Variants in FTCDNL1 observed in about 807,000 individuals in gnomAD.
FTCDNL1 encodes formiminotransferase cyclodeaminase N-terminal like, also known as formiminotransferase N-terminal subdomain-containing protein.
Under a neutral mutation model 5.9 loss-of-function variants are expected in FTCDNL1, and 11 were observed. The ratio of observed to expected loss-of-function variants is 1.87; its 90% confidence interval spans 1.18 to 3.10. The LOEUF (loss-of-function observed/expected upper bound fraction) is 3.10. Among genes scored for constraint, FTCDNL1 ranks in the 30% most tolerant of loss-of-function variants. The pLI, the probability that FTCDNL1 is intolerant of heterozygous loss-of-function variation, is 0.00. For missense variants in FTCDNL1, 115 were observed against 65.5 expected (o/e 1.76, Z -2.61); for synonymous variants, 58 against 24.8 (o/e 2.34, Z -3.99).
the FTCDNL1 span, among the ~76,000 whole-genome samples, chr2:199,666,164 A>G: frequency 1.3e-5 from 2 of 152,362 alleles, no homozygotes; most frequent in East Asian, 3.8e-4. Context: ...TAAAGCACTA[A>G]AGACAGTGTT....
At chr2:199,735,626 G>A in the FTCDNL1 span, among the ~76,000 whole-genome samples, 3 of 152,084 alleles carry the variant, frequency 2.0e-5, no homozygotes. Flanking sequence ...ATAGAAATGG[G>A]CAAAGAAATC....
At chr2:199,775,306 A>T (rs1458871521) in intron 3 of FTCDNL1, among the ~76,000 whole-genome samples, 1 of 152,240 alleles carries the variant, frequency 6.6e-6, no homozygotes, top group Non-Finnish European at 1.5e-5. Context: ...GTTGAAAACA[A>T]TGTTGTTGTA....
chr2:199,765,557 T>TATATATA (rs1553535935), intron 3 of FTCDNL1, among the ~76,000 whole-genome samples: 1 of 30,512 alleles, frequency 3.3e-5, no homozygotes. Flanking sequence ...TATATATATA[T>TATATATA]TTTTTTTTTT....
At chr2:199,839,649 T>C (rs1217103447) in intron 3 of FTCDNL1, among the ~76,000 whole-genome samples, 1 of 152,052 alleles carries the variant, frequency 6.6e-6, no homozygotes, top group Non-Finnish European at 1.5e-5. Context: ...CAGGGAAATT[T>C]CAGAACACTG....
chr2:199,764,327 G>C (rs1353680571), intron 3 of FTCDNL1, among the ~76,000 whole-genome samples: 1 of 152,290 alleles, frequency 6.6e-6, no homozygotes, highest in East Asian at 1.9e-4. Flanking sequence ...AAAAAAACTT[G>C]AGGCAGAGAA....
At chr2:199,790,653 C>CT (rs1224689014) in intron 3 of FTCDNL1, among the ~76,000 whole-genome samples, 2 of 151,714 alleles carry the variant, frequency 1.3e-5, no homozygotes, top group Non-Finnish European at 2.9e-5. Context: ...TAAATAAATA[C>CT]TTTTTTTTGA....
At chr2:199,791,486 G>C (rs931202365) in intron 3 of FTCDNL1, among the ~76,000 whole-genome samples, 1 of 152,068 alleles carries the variant, frequency 6.6e-6, no homozygotes, top group African/African-American at 2.4e-5. Context: ...TTAAGACCCA[G>C]GGGAAAGACA....
chr2:199,703,830 A>C, the FTCDNL1 span, among the ~76,000 whole-genome samples: 2 of 152,168 alleles, frequency 1.3e-5, no homozygotes, highest in African/African-American at 4.8e-5. Flanking sequence ...CTATAACACA[A>C]AGTTAAATTT....
the FTCDNL1 span, among the ~76,000 whole-genome samples, chr2:199,754,729 T>C: frequency 6.6e-6 from 1 of 152,122 alleles, no homozygotes; most frequent in Non-Finnish European, 1.5e-5. Context: ...TGTTCACAGA[T>C]TGGGGGCTTC....
At chr2:199,821,521 G>A (rs1371073427) in intron 3 of FTCDNL1, among the ~76,000 whole-genome samples, 1 of 151,778 alleles carries the variant, frequency 6.6e-6, no homozygotes. Flanking sequence ...CTGCAGTGCA[G>A]TGGCATGATC....
rs1039056121 is a variant in FTCDNL1, at chr2:199,782,115, GAC to G, written c.212-21282_212-21281del. Among the ~76,000 whole-genome samples, 22 of 152,264 alleles carry G rather than the reference GAC, an allele frequency of 1.4e-4. 1 individual carries two copies. The highest frequency in any genetic ancestry group is 2.4e-4 in the Non-Finnish European group (16 of 68,030). ...GGTGTCGTTAATTTGCTCTACCAAAGACAGCACAACTGGCACAAGAGCTACAA... is the reference window on the plus strand; with the variant it reads ...GGTGTCGTTAATTTGCTCTACCAAAGAGCACAACTGGCACAAGAGCTACAA... On this transcript the variant is annotated intron_variant, in intron 3 of 3. Coordinates refer to the FTCDNL1 transcript ENST00000416668.
chr2:199,805,280 TGGTTTGCAGAGTCCC>T (rs1012064198), downstream of FTCDNL1, among the ~76,000 whole-genome samples: 14 of 152,126 alleles, frequency 9.2e-5, no homozygotes, highest in South Asian at 2.1e-4. Flanking sequence ...AGAAGAAATG[TGGTTTGCAGAGTCCC>T]AGGATCAGAA....
the FTCDNL1 span, among the ~76,000 whole-genome samples, chr2:199,738,606 G>C: frequency 6.6e-6 from 1 of 152,012 alleles, no homozygotes; most frequent in South Asian, 2.1e-4. Context: ...CTGAAACAGA[G>C]GATTGTGATA....
At chr2:199,759,985 G>A (rs1204417535), downstream of FTCDNL1, among the ~76,000 whole-genome samples, 7 of 152,090 alleles carry the variant, frequency 4.6e-5, no homozygotes, top group Non-Finnish European at 1.0e-4. Flanking sequence ...TATAATGATC[G>A]TATCATGTTT....
the FTCDNL1 span, among the ~76,000 whole-genome samples, chr2:199,753,552 G>A: frequency 9.1e-4 from 139 of 152,320 alleles, 1 homozygote; most frequent in South Asian, 4.1e-4. Flanking sequence ...GGACACAATC[G>A]GAGAATACAC....
At chr2:199,788,732 A>C (rs934116930) in intron 3 of FTCDNL1, among the ~76,000 whole-genome samples, 1 of 152,102 alleles carries the variant, frequency 6.6e-6, no homozygotes, top group African/African-American at 2.4e-5. Flanking sequence ...AAGAATAAAC[A>C]AATTACAAAC....
chr2:199,783,857 C>CAA (rs1699497451), intron 3 of FTCDNL1, among the ~76,000 whole-genome samples: 2 of 151,508 alleles, frequency 1.3e-5, no homozygotes, highest in African/African-American at 4.9e-5. Context: ...AAAAAAAAAA[C>CAA]AAAAAGGATT....
At chr2:199,752,830 TAGAG>T in the FTCDNL1 span, among the ~76,000 whole-genome samples, 43 of 112,152 alleles carry the variant, frequency 3.8e-4, no homozygotes, top group African/African-American at 3.2e-4. Context: ...GATATATAGA[TAGAG>T]AGAGAGAGAG....
In FTCDNL1 at chr2:199,765,550, A is replaced by ATTTT. The variant is rs1195071962; in HGVS notation, c.212-4716_212-4715insAAAA. On this transcript the variant is annotated intron_variant, in intron 3 of 3. Transcript: ENST00000416668. Reference sequence around the variant, plus strand: ...GTCTTCATTATATATATATATATATATATATATTTTTTTTTTTTTTTTTGG... The same window carrying ATTTT: ...GTCTTCATTATATATATATATATATATTTTTATATATTTTTTTTTTTTTTTTTGG... 9.4e-5 allele frequency among the ~76,000 whole-genome samples: 5 copies of ATTTT among 52,968 alleles called. 1 individual carries two copies. The highest frequency in any genetic ancestry group is 1.8e-4 in the African/African-American group (4 of 21,798). 34.7% of individuals were successfully genotyped at this position (52,968 alleles called of 152,430 possible). A position where few individuals can be genotyped will look rare whatever the true frequency, so the allele number is the denominator to read the frequency against.
Sources: allele counts gnomAD v4.1 joint callset (sites outside exome capture counted in the v4.1 genomes callset), GRCh38; gene constraint gnomAD v4.1.1; transcripts MANE v1.5; gene names NCBI Gene and HGNC (gene_info 2026-07-23, HGNC 2026-07-21).